CADM4: variants seen among roughly 807,000 people sequenced by gnomAD.
The protein encoded by CADM4 is TSLC1-like 2.
Under a neutral mutation model 43.9 loss-of-function variants are expected in CADM4, and 13 were observed. The observed-to-expected ratio is 0.30, with a 90% CI of 0.19 to 0.47. CADM4 has a LOEUF of 0.47. Among genes scored for constraint, CADM4 ranks in the 20% least tolerant of loss-of-function variants. The pLI, the probability that CADM4 is intolerant of heterozygous loss-of-function variation, is 1.00. For synonymous variants in CADM4, 209 were observed against 220.9 expected (o/e 0.95, Z 0.48); for missense variants, 420 against 527.0 (o/e 0.80, Z 1.99).
At position 43,626,980 on chromosome 19, in the gene CADM4, C is replaced by T. The variant is rs193019757; in HGVS notation, c.365-62G>A. 2 of 1,507,780 alleles carry T rather than the reference C, an allele frequency of 1.3e-6. No individual in the cohort carries two copies. The highest frequency in any genetic ancestry group is 1.3e-5 in the South Asian group (1 of 77,590). 93.4% of individuals were successfully genotyped at this position (1,507,780 alleles called of 1,614,324 possible). On this transcript the variant is annotated intron_variant, in intron 3 of 8. Transcript: ENST00000222374. This position sits in a 1 kb window ranked among gnomAD's most constrained non-coding sequence, Gnocchi z 5.9. Reference sequence around the variant, plus strand: ...GGCACGAACGTGGGCTCAAAGCGATCGAGCTGCCTGTTCCCAGCGACCATA... The same window carrying T: ...GGCACGAACGTGGGCTCAAAGCGATTGAGCTGCCTGTTCCCAGCGACCATA...
Position 43,639,732 on chromosome 19 carries a change from C to T in CADM4, c.59G>A (p.Gly20Glu). 1 of 1,012,762 alleles carries T rather than the reference C, an allele frequency of 9.9e-7. No individual in the cohort carries two copies. The allele number at this position is 1,012,762 out of a possible 1,614,324, so 62.7% of individuals were successfully genotyped here. A position where few individuals can be genotyped will look rare whatever the true frequency, so the allele number is the denominator to read the frequency against. The change falls in exon 1 of 9, where the codon GGG becomes GAG. Residue 20 changes from glycine to glutamate, a missense_variant. By Grantham distance (98) the Gly-to-Glu change is moderately conservative (BLOSUM62 -2). Coordinates refer to ENST00000222374, the MANE Select transcript of CADM4 (RefSeq NM_145296.2). ...ACCCCGGCCCCCGACCCTACCTGGC[C>T]CCGCCGCGGCCGCCCACAGCAGCAG... ...PLLLLWAAAA[G>E]PGAGQEVQTE... is the part of the protein sequence containing the mutation.
chr19:43,626,686 C>G lies in CADM4; in HGVS notation c.499+98G>C. On this transcript the variant is annotated intron_variant, in intron 4 of 8. Coordinates refer to ENST00000222374, the MANE Select transcript of CADM4 (RefSeq NM_145296.2). The surrounding 1 kb of genome is among the most constrained non-coding windows in gnomAD (Gnocchi z 5.9). ...CATCAACCACTACATATTGAATGTC[C>G]AGTGTCTGTGAAAACCTGTGGCTCC... 1 of 1,424,862 alleles carries G rather than the reference C, an allele frequency of 7.0e-7. No homozygotes were observed. The highest frequency in any genetic ancestry group is 9.4e-7 in the Non-Finnish European group (1 of 1,065,752). The allele number at this position is 1,424,862 out of a possible 1,614,324, so 88.3% of individuals were successfully genotyped here. A position where few individuals can be genotyped will look rare whatever the true frequency, so the allele number is the denominator to read the frequency against.
At chr19:43,632,158 T>G (rs1973634774) in intron 1 of CADM4, among the ~76,000 whole-genome samples, 1 of 152,208 alleles carries the variant, frequency 6.6e-6, no homozygotes, top group African/African-American at 2.4e-5. Context: ...ATCCACCTGG[T>G]TGCTCAGGTC....
Position 43,639,758 on chromosome 19 carries a change from C to G in CADM4, c.33G>C (p.Leu11=). 9.7e-7 allele frequency: 1 copy of G among 1,027,552 alleles called. No individual in the cohort carries two copies. 63.7% of individuals were successfully genotyped at this position (1,027,552 alleles called of 1,614,324 possible). A position where few individuals can be genotyped will look rare whatever the true frequency, so the allele number is the denominator to read the frequency against. Residue 11 remains leucine, a synonymous_variant, in exon 1 of 9, where the codon CTG becomes CTC. Coordinates refer to ENST00000222374, the MANE Select transcript of CADM4 (RefSeq NM_145296.2). ...CCGCCGCGGCCGCCCACAGCAGCAG[C>G]AGCGGCCACTGGAAGCGCCGGGCCC... is the stretch of plus-strand genomic sequence containing the variant. MGRARRFQWP[L]LLLWAAAAGP...
Position 43,626,335 on chromosome 19 carries a change from T to C in CADM4, c.500-47A>G. The C allele has an allele frequency of 6.3e-7, 1 of 1,592,804 alleles. No homozygotes were observed. On this transcript the variant is annotated intron_variant, in intron 4 of 8. Coordinates refer to ENST00000222374, the MANE Select transcript of CADM4 (RefSeq NM_145296.2). The surrounding 1 kb of genome is among the most constrained non-coding windows in gnomAD (Gnocchi z 5.9). ...CTGTCAGGCCACAATTCCGGCTCCA[T>C]CCACCCACCCACCCGAGCCAACGCC...
intron 1 of CADM4, among the ~76,000 whole-genome samples, chr19:43,629,419 G>A (rs1033463601): frequency 6.6e-6 from 1 of 152,282 alleles, no homozygotes. Context: ...AGAACCATCA[G>A]AGAAAAGCAT....
In CADM4 at chr19:43,627,430, C is replaced by G; in HGVS notation, c.212-112G>C. 1.5e-6 allele frequency: 2 copies of G among 1,348,472 alleles called. No individual in the cohort carries two copies. Among genetic ancestry groups the G allele is most frequent in the Non-Finnish European group, 2.0e-6 (2 of 1,004,978 alleles). 83.5% of individuals were successfully genotyped at this position (1,348,472 alleles called of 1,614,324 possible). A position where few individuals can be genotyped will look rare whatever the true frequency, so the allele number is the denominator to read the frequency against. On this transcript the variant is annotated intron_variant, in intron 2 of 8. Transcript: ENST00000222374. The surrounding 1 kb of genome is among the most constrained non-coding windows in gnomAD (Gnocchi z 4.0). ...CTCTGCCTCTTTTCTCCAGCCATAT[C>G]TATGAGTCTGAGGTGTCCAACTATT...
Position 43,626,527 on chromosome 19 carries a change from A to T in CADM4, c.500-239T>A, listed in dbSNP as rs1973530993. On this transcript the variant is annotated intron_variant, in intron 4 of 8. Transcript: ENST00000222374. The surrounding 1 kb of genome is among the most constrained non-coding windows in gnomAD (Gnocchi z 5.9). ...AATCCATTTAATTGCTATATATATA[A>T]AAACATAAATTTATATATATACTTA... 1.3e-5 allele frequency among the ~76,000 whole-genome samples: 2 copies of T among 152,098 alleles called. No individual in the cohort carries two copies. Among genetic ancestry groups the T allele is most frequent in the Non-Finnish European group, 2.9e-5 (2 of 68,010 alleles).
chr19:43,639,652 C>T, intron 1 of CADM4, 75 bp downstream of exon 1: 2 of 893,866 alleles, frequency 2.2e-6, no homozygotes, highest in Non-Finnish European at 2.7e-6. Flanking sequence ...CTCTGCGGCC[C>T]CGAGGCTGCC....
chr19:43,636,492 C>T (rs1011008206), intron 1 of CADM4, among the ~76,000 whole-genome samples: 1 of 152,276 alleles, frequency 6.6e-6, no homozygotes, highest in South Asian at 2.1e-4. Flanking sequence ...GAGGAGCCTG[C>T]GTGCCTGCTC....
Position 43,623,982 on chromosome 19 carries a change from T to C in CADM4, c.1057+132A>G. ...CGAAAGCCCCGCCCCCTTTGTCATC[T>C]CCGCCCCCGGTGCGGCGGGATTTGG... On this transcript the variant is annotated intron_variant, in intron 8 of 8. Transcript: ENST00000222374. This position sits in a 1 kb window ranked among gnomAD's most constrained non-coding sequence, Gnocchi z 4.4. The C allele has an allele frequency of 8.8e-7, 1 of 1,130,020 alleles. No homozygotes were observed. The highest frequency in any genetic ancestry group is 2.4e-5 in the East Asian group (1 of 41,622). 70.0% of individuals were successfully genotyped at this position (1,130,020 alleles called of 1,614,324 possible). A position where few individuals can be genotyped will look rare whatever the true frequency, so the allele number is the denominator to read the frequency against.
intron 1 of CADM4, among the ~76,000 whole-genome samples, chr19:43,639,467 A>AG (rs1973743556): frequency 7.6e-6 from 1 of 131,148 alleles, no homozygotes; most frequent in Non-Finnish European, 1.6e-5. Context: ...TTGTGTGTGT[A>AG]GGGGGGTCTC....
chr19:43,633,301 T>C (rs1275511656), intron 1 of CADM4, among the ~76,000 whole-genome samples: 1 of 152,092 alleles, frequency 6.6e-6, no homozygotes, highest in African/African-American at 2.4e-5. Flanking sequence ...CTCCAACTCC[T>C]GGGGTCAAAG....
chr19:43,628,206 G>A (rs796210290), intron 1 of CADM4, among the ~76,000 whole-genome samples: 2 of 150,924 alleles, frequency 1.3e-5, no homozygotes, highest in East Asian at 2.0e-4. Context: ...TGGGCGGATC[G>A]CAAGGTCAAG....
chr19:43,626,654 C>T lies in CADM4; in HGVS notation c.499+130G>A, dbSNP rs1973532962. 8.0e-7 allele frequency: 1 copy of T among 1,254,644 alleles called. No homozygotes were observed. The highest frequency in any genetic ancestry group is 1.7e-5 in the South Asian group (1 of 60,038). 77.7% of individuals were successfully genotyped at this position (1,254,644 alleles called of 1,614,324 possible). A position where few individuals can be genotyped will look rare whatever the true frequency, so the allele number is the denominator to read the frequency against. ...CTAGGACTACAGGCGTGAGCCACCG[C>T]GCTCGACATCAACCACTACATATTG... On this transcript the variant is annotated intron_variant, in intron 4 of 8. Coordinates refer to ENST00000222374, the MANE Select transcript of CADM4 (RefSeq NM_145296.2). The surrounding 1 kb of genome is among the most constrained non-coding windows in gnomAD (Gnocchi z 5.9).
At chr19:43,634,604 TG>T (rs1973675050) in intron 1 of CADM4, among the ~76,000 whole-genome samples, 2 of 55,576 alleles carry the variant, frequency 3.6e-5, no homozygotes, top group Non-Finnish European at 7.5e-5. Flanking sequence ...TTTGGGGGGT[TG>T]GGGGTGGTGG....
At position 43,639,836 on chromosome 19, in the gene CADM4, T is replaced by TGCACCGCCC; in HGVS notation, c.-55_-47dup. On this transcript the variant is annotated 5_prime_UTR_variant, in exon 1 of 9. Coordinates refer to ENST00000222374, the MANE Select transcript of CADM4 (RefSeq NM_145296.2). ...CGCCGCTCGCTCCCGGCCCGGCACC[T>TGCACCGCCC]GCACCGCCCGCGCCGCCCGCCCCGC... The TGCACCGCCC allele has an allele frequency of 1.0e-6, 1 of 974,924 alleles. No homozygotes were observed. The highest frequency in any genetic ancestry group is 1.2e-6 in the Non-Finnish European group (1 of 826,044). 60.4% of individuals were successfully genotyped at this position (974,924 alleles called of 1,614,324 possible).
At position 43,630,281 on chromosome 19, in the gene CADM4, C is replaced by CTTTT. The variant is rs59489315; in HGVS notation, c.65-2495_65-2492dup. On this transcript the variant is annotated intron_variant, in intron 1 of 8. Transcript: ENST00000222374. The stretch of plus-strand genomic sequence containing the variant: ...TTTCCCCCATTTCCATTTTTCTTTT[C>CTTTT]TTTTTTTTTTTTTTTTTTTTTTGAG... Among the ~76,000 whole-genome samples the CTTTT allele has an allele frequency of 6.6e-3, 488 of 73,392 alleles. 10 individuals carry two copies. The highest frequency in any genetic ancestry group is 9.2e-3 in the African/African-American group (153 of 16,548). 48.1% of individuals were successfully genotyped at this position (73,392 alleles called of 152,430 possible).
chr19:43,636,566 C>T (rs1973706848), intron 1 of CADM4, among the ~76,000 whole-genome samples: 1 of 152,132 alleles, frequency 6.6e-6, no homozygotes, highest in Admixed American at 6.5e-5. Context: ...TGCCACAGGC[C>T]ATTGGATGCT....
Sources: allele counts gnomAD v4.1 joint callset (sites outside exome capture counted in the v4.1 genomes callset), GRCh38; gene constraint gnomAD v4.1.1; non-coding constraint Gnocchi (gnomAD v3.1); transcripts MANE v1.5; gene names NCBI Gene and HGNC (gene_info 2026-07-23, HGNC 2026-07-21).